The following NAV2 variants were observed in gnomAD, a reference collection of about 807,000 sequenced individuals.
NAV2 encodes helicase, APC down-regulated 1.
A neutral mutation model predicts 223.2 loss-of-function variants in NAV2; 54 were observed. The ratio of observed to expected loss-of-function variants is 0.24; its 90% CI spans 0.19 to 0.30. The LOEUF (loss-of-function observed/expected upper bound fraction) is 0.30. Ranked by LOEUF, NAV2 falls within the 10% of genes least tolerant of loss-of-function variation. The pLI is 1.00. For synonymous variants in NAV2, 1,279 were observed against 1,239.3 expected, an observed-to-expected ratio of 1.03 and a Z score of -0.67; for missense variants, 2,806 against 3,147.5, an observed-to-expected ratio of 0.89 and a Z score of 2.60.
At chr11:19,899,598 A>G (rs1056801010) in intron 6 of NAV2, among the ~76,000 whole-genome samples, 2 of 152,224 alleles carry the variant, frequency 1.3e-5, no homozygotes, top group Non-Finnish European at 2.9e-5. Context: ...GAATTGAGAC[A>G]CAGACTCTGC....
intron 5 of NAV2, among the ~76,000 whole-genome samples, chr11:19,881,511 TG>T (rs1247697590): frequency 6.6e-6 from 1 of 152,074 alleles, no homozygotes; most frequent in East Asian, 1.9e-4. Context: ...TGCAGTTCTG[TG>T]GGGGGAAAAT....
At chr11:20,046,074 G>A (rs545189100) in intron 14 of NAV2, among the ~76,000 whole-genome samples, 32 of 152,296 alleles carry the variant, frequency 2.1e-4, no homozygotes, top group African/African-American at 7.0e-4. Context: ...CGTGGCTCAC[G>A]CCTGTAATCC....
At chr11:19,665,211 G>T (rs1174855888) in intron 1 of NAV2, among the ~76,000 whole-genome samples, 1 of 152,212 alleles carries the variant, frequency 6.6e-6, no homozygotes, top group Non-Finnish European at 1.5e-5. Context: ...AGGCATGTCT[G>T]CAACCTCTGC....
At chr11:19,733,587 G>T (rs954036785) in intron 1 of NAV2, among the ~76,000 whole-genome samples, 14 of 152,218 alleles carry the variant, frequency 9.2e-5, no homozygotes, top group Admixed American at 5.9e-4. Context: ...ATGGGACTGA[G>T]ACTTCCAGGG....
chr11:19,589,931 T>C (rs2046010026), intron 1 of NAV2, among the ~76,000 whole-genome samples: 3 of 152,198 alleles, frequency 2.0e-5, no homozygotes, highest in African/African-American at 7.2e-5. Flanking sequence ...CAGCCTAGGC[T>C]CAGCCCTGAG....
At chr11:19,473,702 T>A (rs2042033056) in intron 1 of NAV2, among the ~76,000 whole-genome samples, 1 of 152,156 alleles carries the variant, frequency 6.6e-6, no homozygotes, top group Non-Finnish European at 1.5e-5. Context: ...GATGCTGTGG[T>A]GCCTCACCCA....
intron 1 of NAV2, among the ~76,000 whole-genome samples, chr11:19,620,319 G>A (rs569260814): frequency 5.3e-5 from 8 of 152,196 alleles, no homozygotes; most frequent in Admixed American, 1.3e-4. Flanking sequence ...AGCTTGATGG[G>A]GATGGCATTG....
chr11:20,106,181 GTGTATATATATA>G (rs2062050018), intron 35 of NAV2, among the ~76,000 whole-genome samples: 1 of 14,898 alleles, frequency 6.7e-5, no homozygotes, highest in African/African-American at 1.5e-4. Context: ...ATATATGTGT[GTGTATATATATA>G]TATATATATA....
rs376307802 is a variant in NAV2 at position 20,100,928 on chromosome 11, C to T, written c.6182-9C>T. 13 of 1,612,342 alleles carry T rather than the reference C, an allele frequency of 8.1e-6. No individual in the cohort carries two copies. Among genetic ancestry groups the T allele is most frequent in the Non-Finnish European group, 1.1e-5 (13 of 1,178,538 alleles). On this transcript the variant is annotated splice_polypyrimidine_tract_variant and intron_variant, in intron 31 of 37. Transcript: ENST00000349880. ...GGCTTCAGATGATTCCTGTCTCTCT[C>T]AAATGCAGGGCTCGCAGAAAACAGC...
chr11:19,354,571 A>G (rs1853506234), intron 1 of NAV2, among the ~76,000 whole-genome samples: 1 of 152,240 alleles, frequency 6.6e-6, no homozygotes, highest in Non-Finnish European at 1.5e-5. Flanking sequence ...TTTCATATTT[A>G]TGATTATTCT....
intron 11 of NAV2, among the ~76,000 whole-genome samples, chr11:20,034,722 G>A (rs547064758): frequency 6.6e-6 from 1 of 152,312 alleles, no homozygotes; most frequent in South Asian, 2.1e-4. Context: ...CTACATATCT[G>A]CTACACCACA....
chr11:20,079,280 G>A (rs10833237), intron 24 of NAV2, among the ~76,000 whole-genome samples: 134,245 of 152,192 alleles, frequency 0.88, 59,304 homozygotes, highest in East Asian at 0.95. Flanking sequence ...ACCTCAAGTG[G>A]TCTGCCTGCT....
intron 1 of NAV2, among the ~76,000 whole-genome samples, chr11:19,514,825 G>A (rs1251133184): frequency 7.4e-6 from 1 of 134,824 alleles, no homozygotes; most frequent in Non-Finnish European, 1.7e-5. Flanking sequence ...AGAGATGGCT[G>A]CAGCCCAGGC....
At chr11:19,569,937 G>T (rs1243732739) in intron 1 of NAV2, among the ~76,000 whole-genome samples, 1 of 152,192 alleles carries the variant, frequency 6.6e-6, no homozygotes, top group African/African-American at 2.4e-5. Flanking sequence ...AGGTAAAGAT[G>T]ACTTTCCCCT....
At chr11:19,449,482 C>T (rs1039377825) in intron 1 of NAV2, among the ~76,000 whole-genome samples, 1 of 152,086 alleles carries the variant, frequency 6.6e-6, no homozygotes, top group Non-Finnish European at 1.5e-5. Flanking sequence ...ACAGGGAGGG[C>T]TGCTGTGCTC....
intron 1 of NAV2, among the ~76,000 whole-genome samples, chr11:19,455,622 G>A (rs1002172401): frequency 1.3e-5 from 2 of 152,080 alleles, no homozygotes; most frequent in Non-Finnish European, 2.9e-5. Flanking sequence ...CTCTATGAAT[G>A]GGCACTATTA....
At chr11:19,701,302 C>T (rs765202479) in intron 1 of NAV2, among the ~76,000 whole-genome samples, 1 of 152,246 alleles carries the variant, frequency 6.6e-6, no homozygotes, top group Non-Finnish European at 1.5e-5. Flanking sequence ...CAAATGGCCA[C>T]GGTCATGGGA....
At chr11:19,786,216 T>C (rs945893775) in intron 1 of NAV2, among the ~76,000 whole-genome samples, 15 of 152,200 alleles carry the variant, frequency 9.9e-5, no homozygotes, top group Non-Finnish European at 2.1e-4. Flanking sequence ...AGTTCCAGGA[T>C]GTTTCAGCTG....
At chr11:20,118,036 C>T in intron 37 of NAV2, 97 bp from the exon 38 acceptor site, 1 of 1,413,612 alleles carries the variant, frequency 7.1e-7, no homozygotes, top group African/African-American at 1.4e-5. Flanking sequence ...GCTGTTATCC[C>T]AGGTGAGTCT....
Sources: gnomAD v4.1 joint callset for allele counts (sites outside exome capture counted in the v4.1 genomes callset) on GRCh38, gnomAD v4.1.1 for gene constraint, MANE v1.5 for transcripts, NCBI Gene and HGNC (gene_info 2026-07-23, HGNC 2026-07-21) for gene names.